The following TIAM2 variants were observed in gnomAD, a reference collection of about 807,000 sequenced individuals.
TIAM2 encodes the protein rho guanine nucleotide exchange factor TIAM2.
A neutral mutation model predicts 152.9 loss-of-function variants in TIAM2; 80 were observed. The observed-to-expected ratio is 0.52, with a 90% CI of 0.44 to 0.63. The LOEUF is 0.63. Ranked by LOEUF, TIAM2 falls within the 30% of genes least tolerant of loss-of-function variation. The pLI, the probability that TIAM2 is intolerant of heterozygous loss-of-function variation, is 0.00. For missense variants in TIAM2, 1,965 were observed against 2,120.1 expected, an observed-to-expected ratio of 0.93 and a Z score of 1.44; for synonymous variants, 804 against 838.0, an observed-to-expected ratio of 0.96 and a Z score of 0.70.
chr6:155,055,059 C>T lies in TIAM2; in HGVS notation c.-208-35230C>T, dbSNP rs964249774. Among the ~76,000 whole-genome samples, 4 of 152,100 alleles carry T rather than the reference C, an allele frequency of 2.6e-5. No homozygotes were observed. The South Asian group carries it at 6.2e-4, about 24-fold the overall frequency. Reference sequence around the variant, plus strand: ...GACATGATTTTTGGCTGTGGAACTGCGATCTGGAGCCATTTCCTTCACTTG... The same window carrying T: ...GACATGATTTTTGGCTGTGGAACTGTGATCTGGAGCCATTTCCTTCACTTG... On this transcript the variant is annotated intron_variant, in intron 1 of 26. Transcript: ENST00000682666.
At chr6:155,056,116 A>G (rs1777444670) in intron 1 of TIAM2, among the ~76,000 whole-genome samples, 1 of 146,894 alleles carries the variant, frequency 6.8e-6, no homozygotes, top group South Asian at 2.2e-4. Context: ...TTTTTTCTGT[A>G]TGCTCTATGA....
Position 155,170,473 on chromosome 6 carries a change from C to T in TIAM2, c.2361+5064C>T, listed in dbSNP as rs142944013. Among the ~76,000 whole-genome samples the T allele has an allele frequency of 6.8e-4, 104 of 152,108 alleles. 1 individual carries two copies. The highest frequency in any genetic ancestry group is 2.3e-3 in the African/African-American group (97 of 41,498). On this transcript the variant is annotated intron_variant, in intron 9 of 26. Coordinates refer to ENST00000682666, the MANE Select transcript of TIAM2 (RefSeq NM_012454.4). The stretch of plus-strand genomic sequence containing the variant: ...TCTATCAAAAATGCAAAAAATTATC[C>T]GAGTGTAGTGGCTTGCTCCTCGGAG...
chr6:155,129,949 C>T lies in TIAM2; in HGVS notation c.726C>T (p.Ser242=), dbSNP rs749067540. The change falls in exon 4 of 27, where the codon TCC becomes TCT. Residue 242 remains serine (S), a synonymous_variant. Transcript: ENST00000682666. This position sits in a 1 kb window ranked among gnomAD's most constrained non-coding sequence, Gnocchi z 4.8. ...GCCTGCGGTCCAGCAAAGGCAGCTC[C>T]CTGAGTTCTGAGTCATCCTGGTACG... is the stretch of plus-strand genomic sequence containing the variant. ...DSRLRSSKGS[S]LSSESSWYDS... is the part of the protein sequence containing the mutation. The T allele has an allele frequency of 1.2e-6, 2 of 1,614,084 alleles. No homozygotes were observed. The highest frequency in any genetic ancestry group is 1.1e-5 in the South Asian group (1 of 91,084).
chr6:155,029,452 ATATTATAT>A (rs1776756708), intron 1 of TIAM2, among the ~76,000 whole-genome samples: 1 of 47,670 alleles, frequency 2.1e-5, no homozygotes, highest in African/African-American at 1.0e-4. Flanking sequence ...ACTATAGTAT[ATATTATAT>A]ATAATATATA....
chr6:155,008,668 T>G (rs1778436405), intron 1 of TIAM2, among the ~76,000 whole-genome samples: 1 of 152,124 alleles, frequency 6.6e-6, no homozygotes, highest in Non-Finnish European at 1.5e-5. Context: ...AAGCTGGAAG[T>G]AAATTTCTCA....
Position 155,179,391 on chromosome 6 carries a change from T to C in TIAM2, c.2642T>C (p.Ile881Thr). 1.2e-6 allele frequency: 2 copies of C among 1,613,812 alleles called. No individual in the cohort carries two copies. The highest frequency in any genetic ancestry group is 1.1e-5 in the South Asian group (1 of 90,866). Residue 881 changes from isoleucine (I) to threonine (T), a missense_variant, in exon 12 of 27, where the codon ATA (isoleucine) becomes ACA (threonine). Coordinates refer to ENST00000682666, the MANE Select transcript of TIAM2 (RefSeq NM_012454.4). Reference protein sequence around the residue: ...EYMQQQVYDEIEVFPLNVYDV... With the variant: ...EYMQQQVYDETEVFPLNVYDV... ...CACCTTTTGCAGGTTTATGATGAAATAGAAGTCTTTCCACTAAATGTTTAT... is the reference window on the plus strand; with the variant it reads ...CACCTTTTGCAGGTTTATGATGAAACAGAAGTCTTTCCACTAAATGTTTAT...
At chr6:155,029,383 T>TATATACTATA (rs1776743407) in intron 1 of TIAM2, among the ~76,000 whole-genome samples, 3 of 106,912 alleles carry the variant, frequency 2.8e-5, no homozygotes, top group Non-Finnish European at 5.3e-5. Context: ...ATATATACTA[T>TATATACTATA]GTTATATATA....
At chr6:155,015,944 C>CAAAA (rs3081689) in intron 1 of TIAM2, among the ~76,000 whole-genome samples, 17 of 61,840 alleles carry the variant, frequency 2.7e-4, no homozygotes, top group Non-Finnish European at 4.1e-4. Flanking sequence ...TTCAAAAAAC[C>CAAAA]AAAAAAAAAA....
chr6:155,173,930 A>G (rs765198189), intron 9 of TIAM2, among the ~76,000 whole-genome samples: 2 of 152,170 alleles, frequency 1.3e-5, no homozygotes, highest in Non-Finnish European at 2.9e-5. Flanking sequence ...CACTGACTCT[A>G]CTTGTAAGGA....
At chr6:155,185,939 CACAA>C (rs1379575649) in intron 14 of TIAM2, among the ~76,000 whole-genome samples, 2 of 152,212 alleles carry the variant, frequency 1.3e-5, no homozygotes, top group Non-Finnish European at 2.9e-5. Flanking sequence ...CCCCAGACAC[CACAA>C]ACAGAGGCTT....
In TIAM2 at chr6:155,176,960, T is replaced by G; in HGVS notation, c.2506T>G (p.Leu836Val). The G allele has an allele frequency of 6.2e-7, 1 of 1,607,044 alleles. No individual in the cohort carries two copies. The highest frequency in any genetic ancestry group is 1.1e-5 in the South Asian group (1 of 89,328). ...IKPEHRVEDI[L>V]TLACKMRQLE... is the part of the protein sequence containing the mutation. ...GCCAGAGCACAGAGTAGAAGATATT[T>G]TGACTTTGGCATGCAAGGTAACGGA... The change falls in exon 10 of 27, where the codon TTG (leucine) becomes GTG (valine). Residue 836 changes from leucine (L) to valine (V), a missense_variant. By Grantham distance (32) the Leu-to-Val change is conservative. This residue lies in a region of TIAM2 where 1,025 missense variants were observed against 1,119.4 expected (regional missense o/e 0.92). Coordinates refer to ENST00000682666, the MANE Select transcript of TIAM2 (RefSeq NM_012454.4).
chr6:155,233,062 C>T (rs531765038), intron 15 of TIAM2, among the ~76,000 whole-genome samples: 8 of 152,304 alleles, frequency 5.3e-5, no homozygotes, highest in African/African-American at 1.9e-4. Context: ...CAGCTGCACC[C>T]TGAGCCAGGA....
intron 7 of TIAM2, among the ~76,000 whole-genome samples, chr6:155,152,583 C>T (rs922171358): frequency 5.3e-5 from 8 of 152,158 alleles, no homozygotes; most frequent in Non-Finnish European, 1.0e-4. Flanking sequence ...GCTGATTTTC[C>T]AGGATCCGGC....
chr6:155,196,317 G>A (rs1489224640), intron 14 of TIAM2, among the ~76,000 whole-genome samples: 1 of 152,132 alleles, frequency 6.6e-6, no homozygotes. Flanking sequence ...GAATTGGTTT[G>A]GGAACTCCTT....
At chr6:155,173,535 C>T (rs1367369143) in intron 9 of TIAM2, among the ~76,000 whole-genome samples, 1 of 152,214 alleles carries the variant, frequency 6.6e-6, no homozygotes, top group Non-Finnish European at 1.5e-5. Flanking sequence ...GCATTAAGAA[C>T]TTGACACTAT....
chr6:155,007,888 T>G (rs1778425908), intron 1 of TIAM2, among the ~76,000 whole-genome samples: 1 of 152,236 alleles, frequency 6.6e-6, no homozygotes, highest in Non-Finnish European at 1.5e-5. Flanking sequence ...AGAATGTCAC[T>G]GCAGCGTGGC....
At position 155,222,613 on chromosome 6, in the gene TIAM2, CAAACAA is replaced by C. The variant is rs1562359506; in HGVS notation, c.3168+11310_3168+11315del. ...AAGACTCTGTTTCAAAAACAAAAAACAAACAAAAAAAAAAAACACAAAAAAAACCAT... is the reference window on the plus strand; with the variant it reads ...AAGACTCTGTTTCAAAAACAAAAAACAAAAAAAAAACACAAAAAAAACCAT... On this transcript the variant is annotated intron_variant, in intron 15 of 26. Transcript: ENST00000682666. 1.1e-3 allele frequency among the ~76,000 whole-genome samples: 96 copies of C among 85,320 alleles called. 1 individual carries two copies. The East Asian group carries it at 0.025, about 22-fold the overall frequency. 56.0% of individuals were successfully genotyped at this position (85,320 alleles called of 152,430 possible).
intron 1 of TIAM2, among the ~76,000 whole-genome samples, chr6:155,065,468 A>T (rs1777673006): frequency 6.6e-6 from 1 of 151,876 alleles, no homozygotes; most frequent in Admixed American, 6.6e-5. Context: ...AGATACAAGG[A>T]TTTCAAGTTT....
At chr6:155,199,081 T>TA (rs1554240139) in intron 14 of TIAM2, among the ~76,000 whole-genome samples, 1 of 151,720 alleles carries the variant, frequency 6.6e-6, no homozygotes, top group Admixed American at 6.6e-5. Flanking sequence ...TTTTTTTTTT[T>TA]AATTACAAAA....
Sources: gnomAD v4.1 joint callset for allele counts (sites outside exome capture counted in the v4.1 genomes callset) on GRCh38, gnomAD v4.1.1 for gene constraint, gnomAD v4.1.1 regional missense constraint, Gnocchi (gnomAD v3.1) non-coding constraint, MANE v1.5 for transcripts, NCBI Gene and HGNC (gene_info 2026-07-23, HGNC 2026-07-21) for gene names.